COL8A1: variants seen among roughly 807,000 people sequenced by gnomAD.
The protein encoded by COL8A1 is collagen type VIII alpha 1 chain, also known as collagen alpha-1(VIII) chain.
A neutral mutation model predicts 42.7 loss-of-function variants in COL8A1; 21 were observed. That is an observed-to-expected ratio of 0.49 (90% CI 0.35 to 0.71). The LOEUF is 0.71. Ranked by LOEUF, COL8A1 falls within the 30% of genes least tolerant of loss-of-function variation. The pLI, the probability that COL8A1 is intolerant of heterozygous loss-of-function variation, is 0.01. For missense variants in COL8A1, 788 were observed against 962.4 expected (o/e 0.82, Z 2.40); for synonymous variants, 367 against 369.1 (o/e 0.99, Z 0.06).
At position 99,766,950 on chromosome 3, in the gene COL8A1, G is replaced by C. The variant is rs564416307; in HGVS notation, c.-4+21929G>C. Among the ~76,000 whole-genome samples, 959 of 147,900 alleles carry C rather than the reference G, an allele frequency of 6.5e-3. 16 individuals carry two copies. Among genetic ancestry groups the C allele is most frequent in the African/African-American group, 0.019 (756 of 40,438 alleles). Reference sequence around the variant, plus strand: ...AGCAACAAGAGCGAAACTCTGTCTTGAAAAAAAAAAAATGATGTCCTCTAG... The same window carrying C: ...AGCAACAAGAGCGAAACTCTGTCTTCAAAAAAAAAAAATGATGTCCTCTAG... On this transcript the variant is annotated intron_variant, in intron 2 of 3. Transcript: ENST00000652472.
intron 1 of COL8A1, among the ~76,000 whole-genome samples, chr3:99,716,376 G>GA (rs1427993815): frequency 2.0e-5 from 3 of 151,806 alleles, no homozygotes; most frequent in African/African-American, 7.3e-5. Context: ...AGTTGCACTG[G>GA]AAAAAAATAC....
chr3:99,773,322 T>C (rs1455733934), intron 2 of COL8A1, among the ~76,000 whole-genome samples: 1 of 152,152 alleles, frequency 6.6e-6, no homozygotes, highest in Non-Finnish European at 1.5e-5. Context: ...TTCCACGTCA[T>C]AGTGAGCAGG....
chr3:99,796,431 C>G lies in COL8A1; in HGVS notation c.*295C>G. The stretch of plus-strand genomic sequence containing the variant: ...TTATGTTATATGCTTCCACAGTAAC[C>G]TGCTTATTCAGATCAGTCAAAATAT... On this transcript the variant is annotated 3_prime_UTR_variant, in exon 4 of 4. Coordinates refer to ENST00000652472, the MANE Select transcript of COL8A1 (RefSeq NM_020351.4). The G allele has an allele frequency of 1.2e-5, 3 of 246,524 alleles. No individual in the cohort carries two copies. Among genetic ancestry groups the G allele is most frequent in the Non-Finnish European group, 2.3e-5 (3 of 128,518 alleles). The allele number at this position is 246,524 out of a possible 1,614,324, so 15.3% of individuals were successfully genotyped here.
intron 1 of COL8A1, chr3:99,678,337 C>T (rs1261226759): frequency 6.6e-6 from 1 of 151,928 alleles, no homozygotes; most frequent in Non-Finnish European, 1.5e-5. Flanking sequence ...ACTGCTTGGC[C>T]ATGCTGACTT....
intron 2 of COL8A1, among the ~76,000 whole-genome samples, chr3:99,753,368 G>T (rs895596417): frequency 6.6e-6 from 1 of 152,324 alleles, no homozygotes; most frequent in Admixed American, 6.5e-5. Flanking sequence ...CTGTGAGGCT[G>T]CCATCACAAG....
At chr3:99,714,999 G>A (rs1939956509) in intron 1 of COL8A1, among the ~76,000 whole-genome samples, 1 of 152,108 alleles carries the variant, frequency 6.6e-6, no homozygotes, top group South Asian at 2.1e-4. Context: ...TAAGCTTGGT[G>A]TGTTTCGGGA....
At chr3:99,697,910 G>A (rs1717610) in intron 1 of COL8A1, among the ~76,000 whole-genome samples, 42,218 of 152,054 alleles carry the variant, frequency 0.28, 7,200 homozygotes, top group East Asian at 0.48. Context: ...TTGGTGTGCT[G>A]CACCCATCAA....
chr3:99,689,891 G>T (rs1170760021), intron 1 of COL8A1, among the ~76,000 whole-genome samples: 13 of 152,190 alleles, frequency 8.5e-5, no homozygotes, highest in Non-Finnish European at 1.9e-4. Context: ...ATGGAGAAAT[G>T]CTGAAAGCGG....
At chr3:99,671,604 C>A (rs1338809670) in intron 1 of COL8A1, among the ~76,000 whole-genome samples, 1 of 151,970 alleles carries the variant, frequency 6.6e-6, no homozygotes, top group Non-Finnish European at 1.5e-5. Flanking sequence ...CCCCCACCAC[C>A]TACCCCATAG....
chr3:99,654,842 T>C (rs1937962696), intron 1 of COL8A1, among the ~76,000 whole-genome samples: 2 of 152,000 alleles, frequency 1.3e-5, no homozygotes, highest in South Asian at 4.1e-4. Context: ...TAGTGGAAGA[T>C]ATTTTAGTTC....
At chr3:99,715,413 G>C (rs909553698) in intron 1 of COL8A1, among the ~76,000 whole-genome samples, 1 of 152,066 alleles carries the variant, frequency 6.6e-6, no homozygotes, top group African/African-American at 2.4e-5. Flanking sequence ...ACAAGGGAAA[G>C]AGGAGAATGA....
intron 1 of COL8A1, among the ~76,000 whole-genome samples, chr3:99,695,649 C>T (rs1939344651): frequency 6.6e-6 from 1 of 152,024 alleles, no homozygotes; most frequent in African/African-American, 2.4e-5. Context: ...TCTCTCCCTC[C>T]TACTTTTCTT....
intron 2 of COL8A1, among the ~76,000 whole-genome samples, chr3:99,786,066 T>C (rs1176541191): frequency 6.6e-6 from 1 of 151,712 alleles, no homozygotes; most frequent in South Asian, 2.1e-4. Context: ...TCAACTAACA[T>C]TGTAGTAAAC....
intron 1 of COL8A1, among the ~76,000 whole-genome samples, chr3:99,644,097 C>G (rs1396535187): frequency 6.6e-6 from 1 of 152,116 alleles, no homozygotes; most frequent in East Asian, 1.9e-4. Context: ...GAGGGAGAAT[C>G]TCCAAGAGTT....
At chr3:99,779,069 A>G (rs1356893867) in intron 2 of COL8A1, among the ~76,000 whole-genome samples, 1 of 152,210 alleles carries the variant, frequency 6.6e-6, no homozygotes, top group Non-Finnish European at 1.5e-5. Flanking sequence ...GGGGGAAATT[A>G]ACCTTTTGTA....
rs1397172831 is a variant in COL8A1 at position 99,765,190 on chromosome 3, A to T, written c.-4+20169A>T. 2.0e-5 allele frequency among the ~76,000 whole-genome samples: 3 copies of T among 152,200 alleles called. No individual in the cohort carries two copies. The East Asian group carries it at 5.8e-4, about 29-fold the overall frequency. On this transcript the variant is annotated intron_variant, in intron 2 of 3. Transcript: ENST00000652472. ...CACAGAGACATGGTCTTGGCTATCAACATTATCAGCTGATTCACTATTCCC... is the reference window on the plus strand; with the variant it reads ...CACAGAGACATGGTCTTGGCTATCATCATTATCAGCTGATTCACTATTCCC...
chr3:99,716,253 A>C (rs1382382815), intron 1 of COL8A1, among the ~76,000 whole-genome samples: 1 of 152,010 alleles, frequency 6.6e-6, no homozygotes, highest in Non-Finnish European at 1.5e-5. Flanking sequence ...ACATAACGCA[A>C]AAGATTCTCT....
intron 1 of COL8A1, among the ~76,000 whole-genome samples, chr3:99,650,269 A>G (rs1012727348): frequency 6.6e-6 from 1 of 152,144 alleles, no homozygotes; most frequent in African/African-American, 2.4e-5. Flanking sequence ...TCAACTAACA[A>G]GCAGTTACTC....
At chr3:99,727,943 C>G (rs545889273) in intron 1 of COL8A1, among the ~76,000 whole-genome samples, 72 of 151,152 alleles carry the variant, frequency 4.8e-4, no homozygotes, top group South Asian at 2.5e-3. Context: ...ATTCAACAAC[C>G]CTTCATGCTA....
Sources: gnomAD v4.1 joint callset for allele counts (sites outside exome capture counted in the v4.1 genomes callset) on GRCh38, gnomAD v4.1.1 for gene constraint, MANE v1.5 for transcripts, NCBI Gene and HGNC (gene_info 2026-07-23, HGNC 2026-07-21) for gene names.